The following ADAMTSL1 variants were observed in gnomAD, a reference collection of about 807,000 sequenced individuals.
The protein encoded by ADAMTSL1 is ADAMTS like 1.
In ADAMTSL1, 126 loss-of-function variants were observed where a neutral mutation model predicts 201.8. That is an observed-to-expected ratio of 0.62 (90% confidence interval 0.54 to 0.72). ADAMTSL1 has a LOEUF of 0.72. Ranked by LOEUF, ADAMTSL1 falls within the 30% of genes least tolerant of loss-of-function variation. The probability of loss-of-function intolerance (pLI) is 0.00; values close to 1 mark genes in which losing one functional copy is unlikely to be tolerated. For missense variants in ADAMTSL1, 2,679 were observed against 2,277.8 expected (o/e 1.18, Z -3.59); for synonymous variants, 1,121 against 903.4 (o/e 1.24, Z -4.32).
chr9:18,718,050 C>T (rs1250514082), intron 14 of ADAMTSL1: 6 of 1,544,576 alleles, frequency 3.9e-6, no homozygotes, highest in Non-Finnish European at 5.4e-6. Flanking sequence ...CGCACTAGGT[C>T]ATAAAAGATC....
At chr9:18,660,461 C>T (rs1413751972) in intron 8 of ADAMTSL1, among the ~76,000 whole-genome samples, 10 of 152,142 alleles carry the variant, frequency 6.6e-5, no homozygotes, top group Non-Finnish European at 1.3e-4. Flanking sequence ...ATTTTATACA[C>T]GCTATAATAG....
Position 18,291,983 on chromosome 9 carries a change from T to C in ADAMTSL1, c.207+128002T>C, listed in dbSNP as rs151175144. Among the ~76,000 whole-genome samples the C allele has an allele frequency of 1.7e-3, 264 of 152,094 alleles. 5 individuals carry two copies. In the East Asian group the frequency reaches 0.023, roughly 13 times the overall value. ...ATTGTATCCATAAGGTAATAAGAACTGAGTGAAGTAGGTGGTAGCCCAGGG... is the reference window on the plus strand; with the variant it reads ...ATTGTATCCATAAGGTAATAAGAACCGAGTGAAGTAGGTGGTAGCCCAGGG... On this transcript the variant is annotated intron_variant, in intron 2 of 29. Coordinates refer to the ADAMTSL1 transcript ENST00000680146.
At chr9:18,541,172 G>C (rs1052067652) in intron 3 of ADAMTSL1, among the ~76,000 whole-genome samples, 3 of 152,156 alleles carry the variant, frequency 2.0e-5, no homozygotes, top group African/African-American at 7.2e-5. Flanking sequence ...CTATCTTTCA[G>C]AGTCTGCATG....
chr9:18,486,819 TG>T (rs773802343), intron 1 of ADAMTSL1, among the ~76,000 whole-genome samples: 6 of 152,218 alleles, frequency 3.9e-5, no homozygotes, highest in Non-Finnish European at 7.3e-5. Context: ...TGATTATTGT[TG>T]TCTGAGGCTG....
chr9:18,903,603 G>T (rs1830128420), intron 26 of ADAMTSL1, among the ~76,000 whole-genome samples: 1 of 152,154 alleles, frequency 6.6e-6, no homozygotes, highest in African/African-American at 2.4e-5. Context: ...TATAATGAAT[G>T]TCAAGGTTGA....
At chr9:18,278,478 T>G (rs1425848142) in intron 2 of ADAMTSL1, among the ~76,000 whole-genome samples, 2 of 152,186 alleles carry the variant, frequency 1.3e-5, no homozygotes, top group African/African-American at 4.8e-5. Context: ...TACATCACCC[T>G]ACTCTCTCCT....
intron 19 of ADAMTSL1, among the ~76,000 whole-genome samples, chr9:18,779,875 C>T (rs999020877): frequency 1.3e-5 from 2 of 152,138 alleles, no homozygotes; most frequent in Non-Finnish European, 2.9e-5. Flanking sequence ...GTAGGTACAA[C>T]GTTTTATTTC....
chr9:18,698,783 G>A (rs566586010), intron 13 of ADAMTSL1, among the ~76,000 whole-genome samples: 1 of 152,164 alleles, frequency 6.6e-6, no homozygotes, highest in Non-Finnish European at 1.5e-5. Flanking sequence ...GACAGAATGA[G>A]GATTAGATTT....
intron 2 of ADAMTSL1, among the ~76,000 whole-genome samples, chr9:18,185,537 T>G (rs2132203750): frequency 6.6e-6 from 1 of 152,256 alleles, no homozygotes; most frequent in South Asian, 2.1e-4. Context: ...GGTAATTTGT[T>G]ATGCAGCATG....
intron 3 of ADAMTSL1, among the ~76,000 whole-genome samples, chr9:18,538,206 G>A (rs1807452994): frequency 6.6e-6 from 1 of 152,146 alleles, no homozygotes; most frequent in Non-Finnish European, 1.5e-5. Flanking sequence ...GACTAGAGTG[G>A]CTCTGGTGGG....
At chr9:17,955,847 T>C (rs1301981907) in intron 1 of ADAMTSL1, among the ~76,000 whole-genome samples, 1 of 152,196 alleles carries the variant, frequency 6.6e-6, no homozygotes, top group Non-Finnish European at 1.5e-5. Flanking sequence ...GTTCTATCCA[T>C]GGATTCAGGT....
At chr9:18,460,382 C>T (rs914372338) in intron 2 of ADAMTSL1, among the ~76,000 whole-genome samples, 3 of 152,112 alleles carry the variant, frequency 2.0e-5, no homozygotes, top group Non-Finnish European at 4.4e-5. Flanking sequence ...GCCTGAACAG[C>T]CAGGTCCTTT....
intron 23 of ADAMTSL1, among the ~76,000 whole-genome samples, chr9:18,869,192 C>A (rs1274351608): frequency 6.6e-6 from 1 of 152,244 alleles, no homozygotes; most frequent in Non-Finnish European, 1.5e-5. Context: ...ACAGATTCTT[C>A]TCTCACAGTC....
intron 2 of ADAMTSL1, among the ~76,000 whole-genome samples, chr9:18,326,818 G>A (rs1834846041): frequency 6.6e-6 from 1 of 152,058 alleles, no homozygotes; most frequent in African/African-American, 2.4e-5. Context: ...TTCCTAATGT[G>A]GAGCTTTTAT....
chr9:18,887,909 T>G lies in ADAMTSL1; in HGVS notation c.4328T>G (p.Leu1443Arg). 6.2e-7 allele frequency: 1 copy of G among 1,614,036 alleles called. No homozygotes were observed. Among genetic ancestry groups the G allele is most frequent in the Non-Finnish European group, 8.5e-7 (1 of 1,179,898 alleles). The change falls in exon 24 of 29, where the codon CTG (leucine) becomes CGG (arginine). Residue 1443 changes from leucine to arginine, a missense_variant. Physicochemically the swap from Leu to Arg is moderately radical, Grantham distance 102. Coordinates refer to ENST00000380548, the MANE Select transcript of ADAMTSL1 (RefSeq NM_001040272.6). ...GGQPIVTATG[L>R]THHILAAGQI... is the part of the protein sequence containing the mutation. ...CAGCCAATTGTCACTGCCACAGGAC[T>G]GACGCATCACATCTTGGCAGCTGGA...
chr9:18,462,463 A>G (rs868657519), intron 2 of ADAMTSL1, among the ~76,000 whole-genome samples: 10 of 152,350 alleles, frequency 6.6e-5, no homozygotes, highest in Non-Finnish European at 1.3e-4. Flanking sequence ...CATTAAATAT[A>G]TAACACAAAC....
chr9:18,606,771 A>G (rs1051801268), intron 4 of ADAMTSL1, among the ~76,000 whole-genome samples: 3 of 152,006 alleles, frequency 2.0e-5, no homozygotes, highest in South Asian at 2.1e-4. Context: ...CTTCCCCCCC[A>G]GTTTTCTTAT....
intron 2 of ADAMTSL1, among the ~76,000 whole-genome samples, chr9:18,454,485 A>G (rs1468669619): frequency 1.3e-5 from 2 of 152,084 alleles, no homozygotes; most frequent in African/African-American, 4.8e-5. Context: ...TTCTCCAGGT[A>G]CTCCTTAATC....
In ADAMTSL1 at chr9:18,713,223, T is replaced by G. The variant is rs537411512; in HGVS notation, c.1876+6175T>G. On this transcript the variant is annotated intron_variant, in intron 14 of 28. Transcript: ENST00000380548. ...GCAAAATAACCAGCTAACATCATAA[T>G]GACAGGATCATATTCACACATAACA... is the stretch of plus-strand genomic sequence containing the variant. Among the ~76,000 whole-genome samples the G allele has an allele frequency of 6.4e-4, 97 of 151,192 alleles. 1 individual carries two copies. The highest frequency in any genetic ancestry group is 1.8e-3 in the African/African-American group (72 of 41,086).
Sources: allele counts gnomAD v4.1 joint callset (sites outside exome capture counted in the v4.1 genomes callset), GRCh38; gene constraint gnomAD v4.1.1; transcripts MANE v1.5; gene names NCBI Gene and HGNC (gene_info 2026-07-23, HGNC 2026-07-21).